Variants in NXN observed in about 807,000 individuals in gnomAD.
The protein encoded by NXN is nucleoredoxin, also known as nucleoredoxin 1.
NXN carries 16 observed loss-of-function variants against 48.6 expected under a neutral mutation model. That is an observed-to-expected ratio of 0.33 (90% confidence interval 0.22 to 0.50). NXN has a LOEUF of 0.50. Among genes scored for constraint, NXN ranks in the 20% least tolerant of loss-of-function variants. The pLI is 0.98. For missense variants in NXN, 492 were observed against 605.5 expected, an observed-to-expected ratio of 0.81 and a Z score of 1.97; for synonymous variants, 281 against 269.6, an observed-to-expected ratio of 1.04 and a Z score of -0.41.
At chr17:835,484 C>T (rs73975560) in intron 1 of NXN, among the ~76,000 whole-genome samples, 91 of 152,180 alleles carry the variant, frequency 6.0e-4, no homozygotes, top group African/African-American at 2.0e-3. Context: ...GTGGGTTATC[C>T]AGTTACTTGA....
chr17:805,993 T>C (rs963956070), intron 5 of NXN, among the ~76,000 whole-genome samples: 6 of 152,088 alleles, frequency 3.9e-5, no homozygotes, highest in Non-Finnish European at 7.4e-5. Flanking sequence ...GCGGACTTGC[T>C]GTGGCCACCG....
At chr17:876,151 C>T (rs2068211865) in intron 1 of NXN, among the ~76,000 whole-genome samples, 1 of 149,272 alleles carries the variant, frequency 6.7e-6, no homozygotes, top group Non-Finnish European at 1.5e-5. Flanking sequence ...CACTGCACTC[C>T]AGCCTGGGCG....
intron 1 of NXN, among the ~76,000 whole-genome samples, chr17:871,803 G>A (rs2068158078): frequency 6.6e-6 from 1 of 152,160 alleles, no homozygotes; most frequent in Non-Finnish European, 1.5e-5. Context: ...GCTCTGCTGT[G>A]TTACTGATGA....
chr17:978,437 C>T lies in NXN; in HGVS notation c.360+882G>A, dbSNP rs998147182. The T allele has an allele frequency of 3.9e-5, 6 of 152,412 alleles. No homozygotes were observed. Among genetic ancestry groups the T allele is most frequent in the South Asian group, 2.1e-4 (1 of 4,838 alleles). 9.4% of individuals were successfully genotyped at this position (152,412 alleles called of 1,614,324 possible). On this transcript the variant is annotated intron_variant, in intron 1 of 7. Coordinates refer to ENST00000336868, the MANE Select transcript of NXN (RefSeq NM_022463.5). This position sits in a 1 kb window ranked among gnomAD's most constrained non-coding sequence, Gnocchi z 4.1. ...AGTTGACAGCAAAGTATCCATTTCC[C>T]CAAATCCTCCTTCTTCCAGTCAATG...
At chr17:865,982 C>CA (rs927360672) in intron 1 of NXN, among the ~76,000 whole-genome samples, 78 of 144,930 alleles carry the variant, frequency 5.4e-4, no homozygotes, top group African/African-American at 1.8e-3. Flanking sequence ...GACTCTATCT[C>CA]AAAAAAAAAG....
At chr17:877,378 C>T (rs2144824039) in intron 1 of NXN, among the ~76,000 whole-genome samples, 1 of 152,148 alleles carries the variant, frequency 6.6e-6, no homozygotes, top group South Asian at 2.1e-4. Flanking sequence ...GATCTCCTGA[C>T]CTCGTGATCC....
intron 1 of NXN, among the ~76,000 whole-genome samples, chr17:904,029 T>A (rs1272417846): frequency 6.6e-6 from 1 of 152,244 alleles, no homozygotes. Context: ...CTGAGTTTTG[T>A]GGGCTGAAGT....
In NXN at chr17:807,482, G is replaced by A. The variant is rs147443819; in HGVS notation, c.821-2235C>T. Among the ~76,000 whole-genome samples, 106 of 152,296 alleles carry A rather than the reference G, an allele frequency of 7.0e-4. 2 individuals carry two copies. In the East Asian group the frequency reaches 0.01, roughly 14 times the overall value. The stretch of plus-strand genomic sequence containing the variant: ...CCCGGCTCAGCGCCTGGGGCTCTCC[G>A]AGGGCCTCCTCCAAGCGGCCTTTTT... On this transcript the variant is annotated intron_variant, in intron 5 of 7. Transcript: ENST00000336868.
chr17:804,024 C>T (rs1288263628), intron 6 of NXN: 6 of 581,180 alleles, frequency 1.0e-5, no homozygotes, highest in East Asian at 3.1e-5. Flanking sequence ...TCTCCTGCAC[C>T]GGGCTCCCCA....
Position 956,915 on chromosome 17 carries a change from G to A in NXN, c.360+22404C>T, listed in dbSNP as rs1258420982. ...GCCCCTCCGTTCTCAGAGCTCCTGC[G>A]GGCAACTCCAGCCCTTTTAGAACCA... On this transcript the variant is annotated intron_variant, in intron 1 of 7. Coordinates refer to ENST00000336868, the MANE Select transcript of NXN (RefSeq NM_022463.5). This position sits in a 1 kb window ranked among gnomAD's most constrained non-coding sequence, Gnocchi z 4.1. Among the ~76,000 whole-genome samples the A allele has an allele frequency of 2.0e-5, 3 of 152,100 alleles. No individual in the cohort carries two copies. The highest frequency in any genetic ancestry group is 1.9e-4 in the East Asian group (1 of 5,190).
intron 1 of NXN, among the ~76,000 whole-genome samples, chr17:957,064 C>A (rs2069178821): frequency 6.6e-6 from 1 of 152,314 alleles, no homozygotes; most frequent in African/African-American, 2.4e-5. Context: ...TTCTCTGCAT[C>A]CTGACACTGC....
intron 5 of NXN, among the ~76,000 whole-genome samples, chr17:812,555 G>C (rs1912133612): frequency 6.6e-6 from 1 of 151,710 alleles, no homozygotes; most frequent in Admixed American, 6.6e-5. Context: ...CCTGCAGAGC[G>C]AGTGTGTGTG....
chr17:827,539 C>T (rs1287924057), intron 1 of NXN, among the ~76,000 whole-genome samples: 3 of 152,298 alleles, frequency 2.0e-5, no homozygotes, highest in South Asian at 2.1e-4. Flanking sequence ...AGGAGAATGG[C>T]GTGAACCCGG....
chr17:919,975 A>G lies in NXN; in HGVS notation c.360+59344T>C, dbSNP rs941297014. 9.9e-5 allele frequency among the ~76,000 whole-genome samples: 15 copies of G among 152,058 alleles called. No homozygotes were observed. The highest frequency in any genetic ancestry group is 1.5e-5 in the Non-Finnish European group (1 of 68,006). On this transcript the variant is annotated intron_variant, in intron 1 of 7. Coordinates refer to ENST00000336868, the MANE Select transcript of NXN (RefSeq NM_022463.5). This position sits in a 1 kb window ranked among gnomAD's most constrained non-coding sequence, Gnocchi z 5.1. ...CCCCACCGGCACCCTTGGTGCCTTCATCACCCATCCAGAGCAACTACCCAC... is the reference window on the plus strand; with the variant it reads ...CCCCACCGGCACCCTTGGTGCCTTCGTCACCCATCCAGAGCAACTACCCAC...
chr17:956,277 T>C lies in NXN; in HGVS notation c.360+23042A>G, dbSNP rs954611186. Among the ~76,000 whole-genome samples the C allele has an allele frequency of 6.6e-6, 1 of 152,096 alleles. No individual in the cohort carries two copies. Among genetic ancestry groups the C allele is most frequent in the African/African-American group, 2.4e-5 (1 of 41,424 alleles). ...ATTTACTAATAAGAGGTGTCGAACG[T>C]GTTAAGTAAGAAGGACACAAGGAGG... On this transcript the variant is annotated intron_variant, in intron 1 of 7. Transcript: ENST00000336868. This position sits in a 1 kb window ranked among gnomAD's most constrained non-coding sequence, Gnocchi z 4.1.
chr17:858,348 T>C (rs373996450), intron 1 of NXN, among the ~76,000 whole-genome samples: 1 of 151,914 alleles, frequency 6.6e-6, no homozygotes, highest in East Asian at 1.9e-4. Context: ...TGAGTATATT[T>C]AAAGAAAAAT....
At chr17:842,614 C>A in intron 1 of NXN, 2 of 972,062 alleles carry the variant, frequency 2.1e-6, no homozygotes, top group East Asian at 1.1e-4. Context: ...ACTCCCCAGG[C>A]AACTTGGCTA....
chr17:862,516 C>G (rs557046600), intron 1 of NXN, among the ~76,000 whole-genome samples: 1 of 152,276 alleles, frequency 6.6e-6, no homozygotes, highest in South Asian at 2.1e-4. Context: ...GGGGCAAGAC[C>G]CTGTCTCTTA....
At chr17:950,941 TC>T (rs1216690885) in intron 1 of NXN, among the ~76,000 whole-genome samples, 1 of 72,608 alleles carries the variant, frequency 1.4e-5, no homozygotes, top group African/African-American at 7.4e-5. Flanking sequence ...TGCTGTCAAC[TC>T]TTGACTTTCT....
Sources: gnomAD v4.1 joint callset for allele counts (sites outside exome capture counted in the v4.1 genomes callset) on GRCh38, gnomAD v4.1.1 for gene constraint, Gnocchi (gnomAD v3.1) non-coding constraint, MANE v1.5 for transcripts, NCBI Gene and HGNC (gene_info 2026-07-23, HGNC 2026-07-21) for gene names.